PKP4: variants seen among roughly 807,000 people sequenced by gnomAD.
PKP4 encodes the protein plakophilin-4.
In PKP4, 90 loss-of-function variants were observed where a neutral mutation model predicts 145.1. The ratio of observed to expected loss-of-function variants is 0.62; its 90% CI spans 0.52 to 0.74. The LOEUF (loss-of-function observed/expected upper bound fraction) is 0.74. PKP4 is among the 30% of genes least tolerant of loss of function. The pLI, the probability that PKP4 is intolerant of heterozygous loss-of-function variation, is 0.00. For synonymous variants in PKP4, 563 were observed against 577.2 expected (o/e 0.98, Z 0.35); for missense variants, 1,340 against 1,482.7 (o/e 0.90, Z 1.58).
At chr2:158,511,244 G>T (rs548669984) in intron 1 of PKP4, among the ~76,000 whole-genome samples, 115 of 152,206 alleles carry the variant, frequency 7.6e-4, no homozygotes, top group African/African-American at 2.6e-3. Flanking sequence ...AAATTAGCTG[G>T]GCGTGGTGGC....
intron 4 of PKP4, among the ~76,000 whole-genome samples, chr2:158,611,560 A>T (rs1484507352): frequency 6.6e-6 from 1 of 152,224 alleles, no homozygotes; most frequent in East Asian, 1.9e-4. Flanking sequence ...GTAATTTACA[A>T]CACAAAAATT....
At chr2:158,598,613 C>G (rs971519984) in intron 3 of PKP4, among the ~76,000 whole-genome samples, 1 of 151,896 alleles carries the variant, frequency 6.6e-6, no homozygotes, top group Non-Finnish European at 1.5e-5. Context: ...TAAAAAAATA[C>G]AAAAAATTAG....
chr2:158,599,968 C>T (rs1297252690), intron 3 of PKP4, among the ~76,000 whole-genome samples: 1 of 152,086 alleles, frequency 6.6e-6, no homozygotes, highest in Admixed American at 6.5e-5. Flanking sequence ...CAATGTCCAA[C>T]AAAGATATTT....
intron 4 of PKP4, among the ~76,000 whole-genome samples, chr2:158,610,990 A>C (rs1049839177): frequency 6.6e-6 from 1 of 152,218 alleles, no homozygotes; most frequent in Non-Finnish European, 1.5e-5. Context: ...TAGGTGATAA[A>C]GAATTGGTGC....
chr2:158,587,491 T>TTTAAAGTTAAAATACTTTA (rs2048899626), intron 3 of PKP4, among the ~76,000 whole-genome samples: 1 of 152,082 alleles, frequency 6.6e-6, no homozygotes, highest in Non-Finnish European at 1.5e-5. Flanking sequence ...TAATAGGTTA[T>TTTAAAGTTAAAATACTTTA]ACAGGATATT....
intron 20 of PKP4, among the ~76,000 whole-genome samples, chr2:158,678,270 C>A (rs2058186064): frequency 6.6e-6 from 1 of 152,228 alleles, no homozygotes; most frequent in Admixed American, 6.5e-5. Context: ...GCTGGAGAAA[C>A]CCTCCCACAT....
intron 3 of PKP4, among the ~76,000 whole-genome samples, chr2:158,602,014 G>A (rs996579162): frequency 2.0e-5 from 3 of 151,948 alleles, no homozygotes; most frequent in Non-Finnish European, 4.4e-5. Flanking sequence ...ATGAATATAT[G>A]TCCTTTTTCT....
intron 2 of PKP4, among the ~76,000 whole-genome samples, chr2:158,564,932 T>C (rs942004056): frequency 2.0e-5 from 3 of 152,224 alleles, no homozygotes; most frequent in Non-Finnish European, 4.4e-5. Context: ...TTGAGAAGAA[T>C]GTTTTGAAGT....
chr2:158,632,382 A>G (rs1393151125), intron 8 of PKP4: 1 of 177,098 alleles, frequency 5.6e-6, no homozygotes, highest in Non-Finnish European at 1.2e-5. Flanking sequence ...CTCCTTTTTT[A>G]ATGTTGGATG....
At chr2:158,510,838 T>A (rs1036185981) in intron 1 of PKP4, among the ~76,000 whole-genome samples, 1 of 152,200 alleles carries the variant, frequency 6.6e-6, no homozygotes, top group African/African-American at 2.4e-5. Context: ...TGCCCCCCAT[T>A]TGGGGACAAG....
intron 2 of PKP4, among the ~76,000 whole-genome samples, chr2:158,566,061 A>G (rs936165090): frequency 6.6e-6 from 1 of 152,202 alleles, no homozygotes; most frequent in Non-Finnish European, 1.5e-5. Context: ...AAGCCACAGA[A>G]TATCTGCGGA....
chr2:158,585,101 C>T (rs1341102330), intron 3 of PKP4, among the ~76,000 whole-genome samples: 1 of 152,130 alleles, frequency 6.6e-6, no homozygotes, highest in African/African-American at 2.4e-5. Context: ...TTTAGATTTT[C>T]ATTTTCGCTT....
At chr2:158,466,313 T>G (rs1690600472) in intron 1 of PKP4, among the ~76,000 whole-genome samples, 1 of 152,182 alleles carries the variant, frequency 6.6e-6, no homozygotes, top group Non-Finnish European at 1.5e-5. Flanking sequence ...ATCCTGCATG[T>G]TTCAAAGGAA....
chr2:158,637,266 T>A (rs907130815), intron 9 of PKP4, among the ~76,000 whole-genome samples: 1 of 152,146 alleles, frequency 6.6e-6, no homozygotes, highest in Admixed American at 6.5e-5. Flanking sequence ...TTGGCCTTTG[T>A]GGAGTCTTGA....
intron 4 of PKP4, among the ~76,000 whole-genome samples, chr2:158,606,721 A>C (rs2050688674): frequency 6.6e-6 from 1 of 152,166 alleles, no homozygotes. Context: ...ATGTAATATA[A>C]AATTCTTCAA....
intron 12 of PKP4, chr2:158,660,276 G>A (rs1275970605): frequency 1.3e-5 from 2 of 152,702 alleles, no homozygotes; most frequent in Non-Finnish European, 2.9e-5. Context: ...ATTCTAGAGA[G>A]CAGTCAGGGC....
chr2:158,533,860 A>G (rs114786296), intron 2 of PKP4, among the ~76,000 whole-genome samples: 2,677 of 152,286 alleles, frequency 0.018, 50 homozygotes, highest in Non-Finnish European at 0.023. Context: ...TTTTTAAGGC[A>G]TTAATACTCT....
At chr2:158,601,304 T>TTTCG (rs2050206193) in intron 3 of PKP4, among the ~76,000 whole-genome samples, 2 of 152,190 alleles carry the variant, frequency 1.3e-5, no homozygotes, top group South Asian at 4.1e-4. Flanking sequence ...CCGAGAAACT[T>TTTCG]GAGGTATACT....
intron 9 of PKP4, among the ~76,000 whole-genome samples, chr2:158,639,756 G>A (rs1029593): frequency 0.91 from 138,223 of 152,232 alleles, 62,855 homozygotes; most frequent in East Asian, 0.97. Context: ...GCATGATTAT[G>A]TATTCATTGT....
Sources: allele counts gnomAD v4.1 joint callset (sites outside exome capture counted in the v4.1 genomes callset), GRCh38; gene constraint gnomAD v4.1.1; transcripts MANE v1.5; gene names NCBI Gene and HGNC (gene_info 2026-07-23, HGNC 2026-07-21).